The following STIM2 variants were observed in gnomAD, a reference collection of about 807,000 sequenced individuals.
The protein encoded by STIM2 is stromal interaction molecule 2.
STIM2 carries 31 observed loss-of-function variants against 85.8 expected under a neutral mutation model. The ratio of observed to expected loss-of-function variants is 0.36; its 90% CI spans 0.27 to 0.49. The LOEUF (loss-of-function observed/expected upper bound fraction) is 0.49. STIM2 is among the 20% of genes least tolerant of loss of function. STIM2 has a pLI of 0.98. For missense variants in STIM2, 841 were observed against 927.6 expected (o/e 0.91, Z 1.21); for synonymous variants, 356 against 331.1 (o/e 1.08, Z -0.82).
chr4:26,866,167 C>T (rs980544425), intron 1 of STIM2, among the ~76,000 whole-genome samples: 2 of 152,136 alleles, frequency 1.3e-5, no homozygotes, highest in Admixed American at 1.3e-4. Context: ...TTTTTCAACC[C>T]TTACCCCTCC....
At chr4:26,984,447 G>A (rs769661240) in intron 3 of STIM2, among the ~76,000 whole-genome samples, 5 of 152,058 alleles carry the variant, frequency 3.3e-5, no homozygotes, top group African/African-American at 9.7e-5. Flanking sequence ...TGCAACCTCC[G>A]TGTCCCAGGC....
intron 11 of STIM2, 80 bp downstream of exon 11, chr4:27,018,064 G>A: frequency 1.3e-6 from 2 of 1,557,844 alleles, no homozygotes; most frequent in Non-Finnish European, 1.7e-6. Context: ...GAGGAGTGGT[G>A]CATGTTTCCA....
At chr4:26,907,135 T>C (rs1724162476) in intron 1 of STIM2, among the ~76,000 whole-genome samples, 1 of 152,186 alleles carries the variant, frequency 6.6e-6, no homozygotes, top group Non-Finnish European at 1.5e-5. Context: ...TATTAACTTA[T>C]ATGCATATAT....
intron 2 of STIM2, among the ~76,000 whole-genome samples, chr4:26,928,029 G>T (rs112378559): frequency 3.9e-5 from 6 of 152,000 alleles, no homozygotes; most frequent in African/African-American, 1.4e-4. Context: ...TGGCAGGTTT[G>T]GTGATTCTGA....
At chr4:26,969,477 A>G (rs1469660365) in intron 3 of STIM2, among the ~76,000 whole-genome samples, 3 of 152,224 alleles carry the variant, frequency 2.0e-5, no homozygotes, top group African/African-American at 7.2e-5. Context: ...CTACAGCTCT[A>G]CTGCAATGAA....
At chr4:26,909,963 G>A (rs1724270924) in intron 1 of STIM2, among the ~76,000 whole-genome samples, 2 of 152,182 alleles carry the variant, frequency 1.3e-5, no homozygotes, top group African/African-American at 4.8e-5. Context: ...ATAAGTCAGT[G>A]AGATTTTTAT....
intron 10 of STIM2, among the ~76,000 whole-genome samples, chr4:27,009,812 T>C (rs1178995971): frequency 6.6e-6 from 1 of 152,220 alleles, no homozygotes; most frequent in African/African-American, 2.4e-5. Flanking sequence ...ATTTGAATTA[T>C]ATGCACTTAA....
intron 3 of STIM2, among the ~76,000 whole-genome samples, chr4:26,978,326 A>T (rs1259413754): frequency 6.7e-6 from 1 of 148,468 alleles, no homozygotes; most frequent in Non-Finnish European, 1.5e-5. Context: ...AATATATATT[A>T]TATATATATG....
At chr4:26,977,692 G>T (rs190626491) in intron 3 of STIM2, among the ~76,000 whole-genome samples, 1 of 152,112 alleles carries the variant, frequency 6.6e-6, no homozygotes, top group Admixed American at 6.6e-5. Flanking sequence ...GTTTTATGTG[G>T]CATTGAAATT....
chr4:27,025,229 G>A lies in STIM2; in HGVS notation c.*2233G>A, dbSNP rs2109152798. 1 of 152,186 alleles carries A rather than the reference G, an allele frequency of 6.6e-6. No homozygotes were observed. The highest frequency in any genetic ancestry group is 2.4e-5 in the African/African-American group (1 of 41,534). 9.4% of individuals were successfully genotyped at this position (152,186 alleles called of 1,614,324 possible). A position where few individuals can be genotyped will look rare whatever the true frequency, so the allele number is the denominator to read the frequency against. On this transcript the variant is annotated 3_prime_UTR_variant, in exon 12 of 12. Coordinates refer to ENST00000467087, the MANE Select transcript of STIM2 (RefSeq NM_020860.4). ...TTTGTAAATTCAACAGGAAATTATT[G>A]AGTTTTGGAAAGCTACAGTAATTTC...
intron 2 of STIM2, among the ~76,000 whole-genome samples, chr4:26,949,877 A>G (rs1725979882): frequency 6.6e-6 from 1 of 152,200 alleles, no homozygotes; most frequent in Non-Finnish European, 1.5e-5. Context: ...ATCATATGCA[A>G]ATATATACAT....
intron 2 of STIM2, among the ~76,000 whole-genome samples, chr4:26,933,711 G>A (rs1413894665): frequency 2.3e-5 from 3 of 130,666 alleles, no homozygotes; most frequent in Non-Finnish European, 4.6e-5. Context: ...ACTAGCCTGG[G>A]CAGTATAACG....
At chr4:26,886,500 TTCA>T (rs1281677763) in intron 1 of STIM2, among the ~76,000 whole-genome samples, 1 of 152,148 alleles carries the variant, frequency 6.6e-6, no homozygotes, top group African/African-American at 2.4e-5. Flanking sequence ...CAGGGAAATC[TTCA>T]TAGTTGACAT....
chr4:26,912,979 T>A (rs1417967126), intron 1 of STIM2, among the ~76,000 whole-genome samples: 1 of 152,112 alleles, frequency 6.6e-6, no homozygotes, highest in African/African-American at 2.4e-5. Flanking sequence ...CCCCCGCCAT[T>A]GACCGCCAGT....
chr4:27,007,337 C>T (rs543256168), intron 7 of STIM2, among the ~76,000 whole-genome samples, 196 bp from the exon 8 acceptor site: 4 of 145,640 alleles, frequency 2.7e-5, no homozygotes, highest in Non-Finnish European at 6.0e-5. Context: ...TTTTTTGAGA[C>T]GGAGTCTCGC....
Position 26,919,885 on chromosome 4 carries a change from C to T in STIM2, c.282+251C>T, listed in dbSNP as rs551478765. 9.9e-5 allele frequency among the ~76,000 whole-genome samples: 15 copies of T among 152,258 alleles called. No individual in the cohort carries two copies. The East Asian group carries it at 2.5e-3, about 25-fold the overall frequency. ...ATCTCATGTTCCTGTATTTCTCAAACATGTATCCTATTCTGACTGTATTTT... is the reference window on the plus strand; with the variant it reads ...ATCTCATGTTCCTGTATTTCTCAAATATGTATCCTATTCTGACTGTATTTT... On this transcript the variant is annotated intron_variant, in intron 2 of 11. Transcript: ENST00000467087.
intron 11 of STIM2, chr4:27,019,709 C>T (rs1011094907): frequency 8.3e-5 from 29 of 350,644 alleles, no homozygotes; most frequent in Non-Finnish European, 1.4e-4. Context: ...GACGGAGTCT[C>T]GCTCTGTTGG....
chr4:26,914,875 A>G (rs994596854), intron 1 of STIM2, among the ~76,000 whole-genome samples: 3 of 152,198 alleles, frequency 2.0e-5, no homozygotes, highest in African/African-American at 7.2e-5. Flanking sequence ...ATCATTCCAC[A>G]GGTGTCTGAT....
At chr4:26,957,048 G>A (rs867753813) in intron 2 of STIM2, among the ~76,000 whole-genome samples, 2 of 152,068 alleles carry the variant, frequency 1.3e-5, no homozygotes, top group Middle Eastern at 3.4e-3. Context: ...CTTCCCCTGC[G>A]GATACCAAAA....
Sources: allele counts gnomAD v4.1 joint callset (sites outside exome capture counted in the v4.1 genomes callset), GRCh38; gene constraint gnomAD v4.1.1; transcripts MANE v1.5; gene names NCBI Gene and HGNC (gene_info 2026-07-23, HGNC 2026-07-21).